Variants in PPP1R36 observed in about 807,000 individuals in gnomAD.
The protein encoded by PPP1R36 is chromosome 14 open reading frame 50.
In PPP1R36, 47 loss-of-function variants were observed where a neutral mutation model predicts 53.4. The ratio of observed to expected loss-of-function variants is 0.88; its 90% CI spans 0.70 to 1.12. The LOEUF is 1.12. Ranked by LOEUF, PPP1R36 falls within the 50% of genes most tolerant of loss-of-function variation. The pLI is 0.00. For missense variants in PPP1R36, 456 were observed against 513.9 expected (o/e 0.89, Z 1.09); for synonymous variants, 153 against 170.5 (o/e 0.90, Z 0.80).
chr14:64,562,102 G>A (rs918009992), intron 3 of PPP1R36: 1 of 241,776 alleles, frequency 4.1e-6, no homozygotes, highest in African/African-American at 2.3e-5. Flanking sequence ...GATAGTAGGA[G>A]GGTATAGGCT....
At chr14:64,587,453 T>A (rs2080444791) in intron 10 of PPP1R36, 81 bp downstream of exon 10, 1 of 306,754 alleles carries the variant, frequency 3.3e-6, no homozygotes, top group Non-Finnish European at 4.8e-6. Flanking sequence ...TTCTCCTTTT[T>A]TTTTTTTTTT....
chr14:64,583,752 T>G (rs2080408042), intron 8 of PPP1R36, among the ~76,000 whole-genome samples: 2 of 108,782 alleles, frequency 1.8e-5, no homozygotes, highest in Admixed American at 1.0e-4. Context: ...AGGCAGAGGT[T>G]GCGGTGAGCC....
At chr14:64,555,342 GAAGATTCAATTGATAAAT>G (rs1196011233) in intron 3 of PPP1R36, among the ~76,000 whole-genome samples, 28 of 152,180 alleles carry the variant, frequency 1.8e-4, no homozygotes, top group African/African-American at 5.3e-4. Context: ...GTTGTTAGCC[GAAGATTCAATTGATAAAT>G]AAGATTTTTC....
At chr14:64,581,362 C>T (rs1430768391) in intron 8 of PPP1R36, among the ~76,000 whole-genome samples, 1 of 152,160 alleles carries the variant, frequency 6.6e-6, no homozygotes, top group Non-Finnish European at 1.5e-5. Context: ...GAGTTCAGTC[C>T]TCAGTCTCCC....
chr14:64,565,307 C>G (rs1214879491), intron 4 of PPP1R36, 50 bp from the exon 5 acceptor site: 3 of 1,314,618 alleles, frequency 2.3e-6, no homozygotes, highest in Non-Finnish European at 3.2e-6. Context: ...AGATTAAATA[C>G]AACTAAAATA....
At chr14:64,573,260 A>T (rs1446331266) in intron 7 of PPP1R36, among the ~76,000 whole-genome samples, 1 of 152,234 alleles carries the variant, frequency 6.6e-6, no homozygotes, top group Non-Finnish European at 1.5e-5. Context: ...TGTCTTTGTG[A>T]AAGTTCATTT....
chr14:64,570,713 G>A (rs947888568), intron 7 of PPP1R36, among the ~76,000 whole-genome samples: 1 of 152,196 alleles, frequency 6.6e-6, no homozygotes, highest in African/African-American at 2.4e-5. Context: ...ATGAGACAGT[G>A]TATCTTAACC....
intron 11 of PPP1R36, 96 bp downstream of exon 11, chr14:64,588,391 G>A (rs1246850957): frequency 1.4e-5 from 15 of 1,108,002 alleles, no homozygotes; most frequent in Admixed American, 5.2e-5. Context: ...CTCTGCCAGG[G>A]AATCGAGCCA....
intron 3 of PPP1R36, among the ~76,000 whole-genome samples, chr14:64,555,015 T>C (rs1211381394): frequency 6.6e-6 from 1 of 152,186 alleles, no homozygotes; most frequent in East Asian, 1.9e-4. Context: ...AAATACCTAC[T>C]TAAAAAAATT....
chr14:64,585,707 A>G (rs1382218769), intron 8 of PPP1R36, among the ~76,000 whole-genome samples: 1 of 152,082 alleles, frequency 6.6e-6, no homozygotes. Flanking sequence ...CTATGATCAC[A>G]CTACTGCACT....
At chr14:64,565,567 G>A in intron 5 of PPP1R36, 59 bp from the exon 6 acceptor site, 1 of 1,493,266 alleles carries the variant, frequency 6.7e-7, no homozygotes, top group Non-Finnish European at 9.3e-7. Flanking sequence ...AACGTATCTT[G>A]TGTGACTCTC....
intron 7 of PPP1R36, 53 bp from the exon 8 acceptor site, chr14:64,574,402 T>G: frequency 1.3e-6 from 2 of 1,542,540 alleles, no homozygotes; most frequent in East Asian, 2.2e-5. Flanking sequence ...CTAGTTAATA[T>G]AGGCACTTAT....
intron 8 of PPP1R36, among the ~76,000 whole-genome samples, chr14:64,580,150 A>G (rs1226638642): frequency 1.3e-5 from 2 of 151,748 alleles, no homozygotes; most frequent in East Asian, 3.9e-4. Context: ...AAAATTAAAG[A>G]ATTAGCTGGG....
chr14:64,550,620 T>C (rs530156327), intron 1 of PPP1R36, among the ~76,000 whole-genome samples: 1 of 152,288 alleles, frequency 6.6e-6, no homozygotes, highest in African/African-American at 2.4e-5. Context: ...CCGCTGCTTC[T>C]TTCCTCTTTT....
intron 8 of PPP1R36, among the ~76,000 whole-genome samples, chr14:64,581,908 G>C (rs1482330585): frequency 2.0e-5 from 3 of 152,144 alleles, no homozygotes; most frequent in Non-Finnish European, 4.4e-5. Context: ...TTCCAAGTTA[G>C]ATATGAAAAC....
chr14:64,573,946 C>CAAAAAAAAAAAAAAAAAAA (rs2080322994), intron 7 of PPP1R36, among the ~76,000 whole-genome samples: 1 of 58,558 alleles, frequency 1.7e-5, no homozygotes. Context: ...AAAAAAAAAG[C>CAAAAAAAAAAAAAAAAAAA]AAAAATACAC....
chr14:64,561,806 G>A (rs2080207442), intron 3 of PPP1R36: 1 of 455,946 alleles, frequency 2.2e-6, no homozygotes, highest in Non-Finnish European at 4.4e-6. Flanking sequence ...TTCCAAAGCT[G>A]GCAGAGAACC....
In PPP1R36 at chr14:64,587,201, A is replaced by G. The variant is rs1215898487; in HGVS notation, c.719A>G (p.Tyr240Cys). Residue 240 changes from tyrosine to cysteine, a missense_variant, in exon 10 of 12, where the codon TAT becomes TGT. Coordinates refer to ENST00000298705, the MANE Select transcript of PPP1R36 (RefSeq NM_172365.3). ...QKDWKFFESFYTFCTYVAWIV... is the reference protein window; with the variant it reads ...QKDWKFFESFCTFCTYVAWIV... ...GTCTATTTTTTGTTGTAGTCCTTTT[A>G]TACTTTCTGTACATATGTGGCTTGG... 1 of 1,603,784 alleles carries G rather than the reference A, an allele frequency of 6.2e-7. No homozygotes were observed. The highest frequency in any genetic ancestry group is 8.5e-7 in the Non-Finnish European group (1 of 1,176,376).
intron 7 of PPP1R36, among the ~76,000 whole-genome samples, chr14:64,571,219 G>A (rs1374839552): frequency 6.6e-6 from 1 of 152,038 alleles, no homozygotes; most frequent in Non-Finnish European, 1.5e-5. Context: ...TCTGCCTCCC[G>A]GGTTCAAGTG....
Sources: allele counts gnomAD v4.1 joint callset (sites outside exome capture counted in the v4.1 genomes callset), GRCh38; gene constraint gnomAD v4.1.1; transcripts MANE v1.5; gene names NCBI Gene and HGNC (gene_info 2026-07-23, HGNC 2026-07-21).